Variants in ANKFN1 observed in about 807,000 individuals in gnomAD.
The protein encoded by ANKFN1 is ankyrin repeat and fibronectin type III domain containing 1, also known as ankyrin repeat and fibronectin type-III domain-containing protein 1.
Under a neutral mutation model 108.7 loss-of-function variants are expected in ANKFN1, and 74 were observed. The observed-to-expected ratio is 0.68, with a 90% CI of 0.56 to 0.83. ANKFN1 has a LOEUF of 0.83. Ranked by LOEUF, ANKFN1 falls within the 40% of genes least tolerant of loss-of-function variation. ANKFN1 has a pLI of 0.00. For missense variants in ANKFN1, 1,505 were observed against 1,382.3 expected, an observed-to-expected ratio of 1.09 and a Z score of -1.41; for synonymous variants, 547 against 516.2, an observed-to-expected ratio of 1.06 and a Z score of -0.81.
intron 4 of ANKFN1, among the ~76,000 whole-genome samples, chr17:56,328,654 A>G (rs1262184680): frequency 1.3e-5 from 2 of 152,106 alleles, no homozygotes; most frequent in African/African-American, 2.4e-5. Context: ...TCCTTCTTTT[A>G]TGGAATATCT....
intron 3 of ANKFN1, among the ~76,000 whole-genome samples, chr17:56,277,581 A>T (rs1345500734): frequency 6.6e-6 from 1 of 152,138 alleles, no homozygotes; most frequent in African/African-American, 2.4e-5. Flanking sequence ...ATTACAGAGG[A>T]TGTCATTAAA....
At chr17:56,282,067 C>T (rs1302535252) in intron 3 of ANKFN1, among the ~76,000 whole-genome samples, 1 of 152,016 alleles carries the variant, frequency 6.6e-6, no homozygotes, top group Non-Finnish European at 1.5e-5. Context: ...ATCATAGCCC[C>T]AAAGTGAAAG....
At chr17:56,291,493 T>C (rs2044363457) in intron 3 of ANKFN1, among the ~76,000 whole-genome samples, 1 of 152,136 alleles carries the variant, frequency 6.6e-6, no homozygotes, top group African/African-American at 2.4e-5. Context: ...TAGCCACACA[T>C]TTAGGGGCCT....
At position 56,510,959 on chromosome 17, in the gene ANKFN1, T is replaced by C. The variant is rs973597816; in HGVS notation, c.3131T>C (p.Leu1044Pro). ...YTQHLSQACG[L>P]AQEPKEAKRA... is the part of the protein sequence containing the mutation. ...CAGCACCTGTCCCAGGCCTGTGGTC[T>C]GGCCCAGGAGCCCAAGGAGGCCAAG... The change falls in exon 21 of 21, where the codon CTG (leucine) becomes CCG (proline). Residue 1044 changes from leucine (L) to proline (P), a missense_variant. Leu to Pro is a moderately conservative substitution (Grantham distance 98). Coordinates refer to ENST00000682825, the MANE Select transcript of ANKFN1 (RefSeq NM_001370326.1). 3.9e-6 allele frequency: 6 copies of C among 1,535,998 alleles called. No individual in the cohort carries two copies. In the Admixed American group the frequency reaches 1.2e-4, roughly 30 times the overall value.
chr17:56,055,470 A>T (rs1421193613), intron 4 of ANKFN1, among the ~76,000 whole-genome samples: 1 of 140,056 alleles, frequency 7.1e-6, no homozygotes, highest in Non-Finnish European at 1.5e-5. Context: ...TTATTCCATT[A>T]TGTCTGTGTG....
chr17:56,090,008 CG>C (rs1342905805), intron 4 of ANKFN1, among the ~76,000 whole-genome samples: 1 of 151,308 alleles, frequency 6.6e-6, no homozygotes, highest in African/African-American at 2.4e-5. Flanking sequence ...CTGTTGAAAG[CG>C]GAAGGATATC....
chr17:56,254,571 G>A (rs79716146), intron 3 of ANKFN1, among the ~76,000 whole-genome samples: 2,548 of 152,216 alleles, frequency 0.017, 32 homozygotes, highest in Admixed American at 0.044. Context: ...AATTTCCCTA[G>A]CATTCATGCT....
intron 1 of ANKFN1, among the ~76,000 whole-genome samples, chr17:56,155,086 G>C (rs1260046358): frequency 6.6e-6 from 1 of 152,186 alleles, no homozygotes; most frequent in African/African-American, 2.4e-5. Context: ...GGCCCGTCTG[G>C]TCAAGAACAG....
chr17:56,397,078 A>T lies in ANKFN1; in HGVS notation c.910+22364A>T, dbSNP rs948432552. 2.0e-5 allele frequency among the ~76,000 whole-genome samples: 3 copies of T among 151,862 alleles called. No homozygotes were observed. The East Asian group carries it at 5.8e-4, about 29-fold the overall frequency. ...TTTTAAAATTAGAAAAATTATATAT[A>T]GTTTTATAAAATTATAAAGTTAATT... On this transcript the variant is annotated intron_variant, in intron 8 of 20. Transcript: ENST00000682825.
At chr17:56,306,406 A>C (rs937698924) in intron 3 of ANKFN1, among the ~76,000 whole-genome samples, 1 of 152,236 alleles carries the variant, frequency 6.6e-6, no homozygotes, top group Non-Finnish European at 1.5e-5. Flanking sequence ...TATGTGCAAA[A>C]ATCACAAGCA....
chr17:56,408,508 C>T (rs1598550734), intron 8 of ANKFN1, among the ~76,000 whole-genome samples: 1 of 152,252 alleles, frequency 6.6e-6, no homozygotes, highest in Non-Finnish European at 1.5e-5. Flanking sequence ...GGGATACACT[C>T]TGAATTATCT....
At chr17:56,326,646 A>G (rs1399789381) in intron 4 of ANKFN1, among the ~76,000 whole-genome samples, 3 of 152,226 alleles carry the variant, frequency 2.0e-5, no homozygotes, top group Non-Finnish European at 4.4e-5. Flanking sequence ...AAGTGCTTGC[A>G]TAACTGATTA....
At chr17:56,243,219 T>A (rs1917716393) in intron 3 of ANKFN1, among the ~76,000 whole-genome samples, 1 of 152,098 alleles carries the variant, frequency 6.6e-6, no homozygotes, top group Non-Finnish European at 1.5e-5. Flanking sequence ...TCTTTGAGAC[T>A]TTCCTCTCTT....
intron 20 of ANKFN1, among the ~76,000 whole-genome samples, chr17:56,505,699 G>A (rs986146176): frequency 6.6e-6 from 1 of 152,170 alleles, no homozygotes; most frequent in Non-Finnish European, 1.5e-5. Flanking sequence ...GCTCTAAGAG[G>A]CAAAAGAACT....
rs372755088 is a variant in ANKFN1, at chr17:56,396,483, G to GA, written c.910+21775dup. ...GAACATCGAACATTGCAAAGAGCAG[G>GA]AAAAAATCATTCTTACTTTTACATC... On this transcript the variant is annotated intron_variant, in intron 8 of 20. Coordinates refer to ENST00000682825, the MANE Select transcript of ANKFN1 (RefSeq NM_001370326.1). Among the ~76,000 whole-genome samples, 61 of 151,776 alleles carry GA rather than the reference G, an allele frequency of 4.0e-4. 1 individual carries two copies. Among genetic ancestry groups the GA allele is most frequent in the African/African-American group, 1.4e-3 (59 of 41,466 alleles).
intron 6 of ANKFN1, among the ~76,000 whole-genome samples, chr17:56,363,399 G>A (rs1051056544): frequency 2.0e-5 from 3 of 152,102 alleles, no homozygotes; most frequent in Non-Finnish European, 4.4e-5. Context: ...TGTCAGACTG[G>A]CTATTATCAA....
At chr17:56,327,867 A>T (rs944858958) in intron 4 of ANKFN1, among the ~76,000 whole-genome samples, 3 of 152,160 alleles carry the variant, frequency 2.0e-5, no homozygotes, top group African/African-American at 7.2e-5. Flanking sequence ...ATTCAAGATC[A>T]TTGTTCATGT....
intron 4 of ANKFN1, among the ~76,000 whole-genome samples, chr17:56,070,749 T>A (rs556847854): frequency 6.6e-6 from 1 of 151,846 alleles, no homozygotes; most frequent in South Asian, 2.1e-4. Context: ...TTTTTCTTTT[T>A]TTTTTTGAGA....
intron 4 of ANKFN1, among the ~76,000 whole-genome samples, chr17:56,065,044 G>C (rs1213873566): frequency 6.6e-6 from 1 of 152,164 alleles, no homozygotes; most frequent in Non-Finnish European, 1.5e-5. Context: ...CACAGCAGCT[G>C]CCTAGTCAGT....
Sources: gnomAD v4.1 joint callset for allele counts (sites outside exome capture counted in the v4.1 genomes callset) on GRCh38, gnomAD v4.1.1 for gene constraint, MANE v1.5 for transcripts, NCBI Gene and HGNC (gene_info 2026-07-23, HGNC 2026-07-21) for gene names.